The following EEIG1 variants were observed in gnomAD, a reference collection of about 807,000 sequenced individuals.
EEIG1 encodes the protein early estrogen-induced gene 1 protein.
chr9:127,969,132 A>G, the EEIG1 span, among the ~76,000 whole-genome samples: 1 of 152,174 alleles, frequency 6.6e-6, no homozygotes, highest in Non-Finnish European at 1.5e-5. Flanking sequence ...ATTTGGGGAG[A>G]GCACAGTCAA....
chr9:127,947,437 A>C, the EEIG1 span, among the ~76,000 whole-genome samples: 2 of 152,022 alleles, frequency 1.3e-5, no homozygotes, highest in African/African-American at 4.8e-5. Flanking sequence ...TCTGTCTAAA[A>C]AAACATAAAC....
At chr9:127,979,857 T>A in the EEIG1 span, 1 of 1,122,558 alleles carries the variant, frequency 8.9e-7, no homozygotes, top group Non-Finnish European at 1.2e-6. Flanking sequence ...TCCTGCCTTG[T>A]GCAACCTGCC....
chr9:127,941,793 C>T, the EEIG1 span: 1 of 152,192 alleles, frequency 6.6e-6, no homozygotes, highest in Non-Finnish European at 1.5e-5. Flanking sequence ...GGCAGAAAAG[C>T]AGCACCTCCC....
At chr9:127,955,091 A>T in the EEIG1 span, among the ~76,000 whole-genome samples, 1 of 152,140 alleles carries the variant, frequency 6.6e-6, no homozygotes, top group Non-Finnish European at 1.5e-5. Context: ...GGAAGGGAGG[A>T]GACAGTGTGA....
At chr9:127,968,444 C>T in the EEIG1 span, among the ~76,000 whole-genome samples, 1 of 152,104 alleles carries the variant, frequency 6.6e-6, no homozygotes, top group African/African-American at 2.4e-5. Flanking sequence ...GAGGAAGGGC[C>T]TCTGTTTTGC....
the EEIG1 span, among the ~76,000 whole-genome samples, chr9:127,975,638 T>A: frequency 5.9e-5 from 9 of 152,118 alleles, no homozygotes; most frequent in Non-Finnish European, 1.0e-4. Flanking sequence ...AGTTTCCCCA[T>A]CTGTTGGCTG....
the EEIG1 span, among the ~76,000 whole-genome samples, chr9:127,979,765 C>A: frequency 6.6e-6 from 1 of 152,198 alleles, no homozygotes; most frequent in African/African-American, 2.4e-5. Context: ...GCACGCAGGG[C>A]CCCAAGAGAA....
chr9:127,978,573 T>A, the EEIG1 span, among the ~76,000 whole-genome samples: 6 of 129,826 alleles, frequency 4.6e-5, no homozygotes, highest in African/African-American at 1.7e-4. Flanking sequence ...CTCACACTTG[T>A]AATCCCAGCA....
the EEIG1 span, among the ~76,000 whole-genome samples, chr9:127,948,759 G>A: frequency 3.3e-5 from 5 of 152,288 alleles, no homozygotes; most frequent in East Asian, 3.9e-4. Context: ...CACTCACCCC[G>A]GCCCTGTGTA....
chr9:127,950,377 C>A, the EEIG1 span: 1 of 1,590,538 alleles, frequency 6.3e-7, no homozygotes, highest in Non-Finnish European at 8.6e-7. Context: ...CCTGGTTTGT[C>A]CCCATCCCGT....
At chr9:127,945,604 C>T in the EEIG1 span, 9 of 1,563,078 alleles carry the variant, frequency 5.8e-6, no homozygotes, top group East Asian at 2.4e-5. The surrounding 1 kb of genome is among the most constrained non-coding windows in gnomAD (Gnocchi z 6.5). Flanking sequence ...TGGGGGATCC[C>T]GAGGAAGGAG....
chr9:127,945,199 C>T, the EEIG1 span, among the ~76,000 whole-genome samples: 2 of 152,140 alleles, frequency 1.3e-5, no homozygotes, highest in African/African-American at 4.8e-5. The surrounding 1 kb of genome is among the most constrained non-coding windows in gnomAD (Gnocchi z 6.5). Flanking sequence ...ACCTGCTGCA[C>T]GCCGGGCATG....
At chr9:127,946,265 A>G in the EEIG1 span, among the ~76,000 whole-genome samples, 2 of 152,228 alleles carry the variant, frequency 1.3e-5, no homozygotes, top group African/African-American at 4.8e-5. Context: ...TGGAAGGGAC[A>G]TGGTGAGGGC....
chr9:127,975,744 G>A, the EEIG1 span, among the ~76,000 whole-genome samples: 1 of 152,192 alleles, frequency 6.6e-6, no homozygotes, highest in East Asian at 1.9e-4. Flanking sequence ...CACCAGCCAC[G>A]TGCATGAGGC....
At chr9:127,954,499 T>C in the EEIG1 span, among the ~76,000 whole-genome samples, 128 of 152,210 alleles carry the variant, frequency 8.4e-4, 1 homozygote, top group Non-Finnish European at 1.6e-3. Flanking sequence ...TAACAACAGC[T>C]GATACCCACA....
chr9:127,957,377 A>G, the EEIG1 span, among the ~76,000 whole-genome samples: 4 of 151,480 alleles, frequency 2.6e-5, no homozygotes, highest in African/African-American at 7.4e-5. Flanking sequence ...AATAGCATCA[A>G]AAAGAAAAAA....
the EEIG1 span, chr9:127,944,985 C>A: frequency 4.1e-6 from 6 of 1,478,818 alleles, no homozygotes; most frequent in Non-Finnish European, 5.5e-6. Context: ...GCCAGTCAGC[C>A]GCAGCGGCGC....
chr9:127,971,828 A>G, the EEIG1 span, among the ~76,000 whole-genome samples: 3 of 152,180 alleles, frequency 2.0e-5, no homozygotes, highest in Non-Finnish European at 4.4e-5. Flanking sequence ...TTCCTGGAGG[A>G]GGTGACTCTT....
At chr9:127,953,875 A>G in the EEIG1 span, 14 of 1,613,902 alleles carry the variant, frequency 8.7e-6, no homozygotes, top group Non-Finnish European at 1.2e-5. Context: ...CATCTTACAC[A>G]CGAAGGTGAA....
Sources: allele counts gnomAD v4.1 joint callset (sites outside exome capture counted in the v4.1 genomes callset), GRCh38; gene constraint gnomAD v4.1.1; non-coding constraint Gnocchi (gnomAD v3.1); transcripts MANE v1.5; gene names NCBI Gene and HGNC (gene_info 2026-07-23, HGNC 2026-07-21).